EVC2: variants seen among roughly 807,000 people sequenced by gnomAD.
EVC2 encodes the protein EvC ciliary complex subunit 2.
A neutral mutation model predicts 149.3 loss-of-function variants in EVC2; 148 were observed. That is an observed-to-expected ratio of 0.99 (90% CI 0.87 to 1.14). The LOEUF is 1.14. Ranked by LOEUF, EVC2 falls within the 50% of genes most tolerant of loss-of-function variation. The pLI, the probability that EVC2 is intolerant of heterozygous loss-of-function variation, is 0.00. For synonymous variants in EVC2, 776 were observed against 649.9 expected (o/e 1.19, Z -2.95); for missense variants, 1,854 against 1,627.3 (o/e 1.14, Z -2.40).
At position 5,631,804 on chromosome 4, in the gene EVC2, A is replaced by T; in HGVS notation, c.1699T>A (p.Ser567Thr). 1 of 1,614,042 alleles carries T rather than the reference A, an allele frequency of 6.2e-7. No homozygotes were observed. Residue 567 changes from serine to threonine, a missense_variant, in exon 11 of 22, where the codon TCT becomes ACT. Physicochemically the swap from Ser to Thr is moderately conservative, Grantham distance 58. Coordinates refer to ENST00000344408, the MANE Select transcript of EVC2 (RefSeq NM_147127.5). ...EAAKMLLQNY[S>T]KIQENVEELM... ...GGCTGATGTATTACCTGTATTTTAG[A>T]ATAATTTTGCAGCAGCATTTTAGCT...
In EVC2 at chr4:5,708,302, G is replaced by GGCCCCGCCCC. The variant is rs1553855074; in HGVS notation, c.202_211dup (p.Pro71ArgfsTer25). 1 of 1,470,074 alleles carries GGCCCCGCCCC rather than the reference G, an allele frequency of 6.8e-7. No homozygotes were observed. The highest frequency in any genetic ancestry group is 1.5e-5 in the African/African-American group (1 of 68,254). The allele number at this position is 1,470,074 out of a possible 1,614,324, so 91.1% of individuals were successfully genotyped here. A position where few individuals can be genotyped will look rare whatever the true frequency, so the allele number is the denominator to read the frequency against. On this transcript the variant is annotated frameshift_variant, in exon 1 of 22. Coordinates refer to ENST00000344408, the MANE Select transcript of EVC2 (RefSeq NM_147127.5). LOFTEE classifies it high-confidence loss of function. ...CCTCCTTACCTGCGTGCTGCTCTCG[G>GGCCCCGCCCC]GCCCCGCCCCGCTCCGCCCCGGAGG...
At chr4:5,532,249 C>T in the EVC2 span, among the ~76,000 whole-genome samples, 1 of 152,070 alleles carries the variant, frequency 6.6e-6, no homozygotes, top group Non-Finnish European at 1.5e-5. Context: ...GACAAAATCC[C>T]ACTTGCTTAG....
intron 9 of EVC2, among the ~76,000 whole-genome samples, chr4:5,644,492 AC>A (rs1196561975): frequency 6.6e-6 from 1 of 151,980 alleles, no homozygotes; most frequent in Admixed American, 6.6e-5. Flanking sequence ...TTTAGTAGAG[AC>A]GGGGTTTCAC....
intron 17 of EVC2, among the ~76,000 whole-genome samples, chr4:5,584,111 A>G (rs754096675): frequency 2.0e-5 from 3 of 152,170 alleles, no homozygotes; most frequent in Non-Finnish European, 4.4e-5. Flanking sequence ...TAATTATGAT[A>G]ATAATAGATA....
intron 1 of EVC2, among the ~76,000 whole-genome samples, chr4:5,707,315 C>G (rs1041087809): frequency 6.6e-6 from 1 of 152,110 alleles, no homozygotes; most frequent in Non-Finnish European, 1.5e-5. Context: ...TTTTAAGAGA[C>G]TAAACCTCTG....
intron 6 of EVC2, 45 bp downstream of exon 6, chr4:5,685,325 C>T: frequency 6.4e-7 from 1 of 1,568,212 alleles, no homozygotes; most frequent in Non-Finnish European, 8.8e-7. Context: ...AAAACAACCT[C>T]TCTTGGCAGT....
At chr4:5,594,168 G>A (rs1713139522) in intron 16 of EVC2, among the ~76,000 whole-genome samples, 1 of 152,186 alleles carries the variant, frequency 6.6e-6, no homozygotes, top group Non-Finnish European at 1.5e-5. Context: ...AAAGACAGCA[G>A]TAACCTCTGC....
intron 19 of EVC2, among the ~76,000 whole-genome samples, chr4:5,571,916 T>A (rs1251057798): frequency 6.6e-6 from 1 of 152,154 alleles, no homozygotes; most frequent in African/African-American, 2.4e-5. Flanking sequence ...GGCTGACCAG[T>A]CCTGAGCAGA....
At chr4:5,671,353 T>G (rs1719637722) in intron 7 of EVC2, among the ~76,000 whole-genome samples, 1 of 152,124 alleles carries the variant, frequency 6.6e-6, no homozygotes, top group Non-Finnish European at 1.5e-5. Context: ...ATTCCCACTC[T>G]GAGTATGCAG....
At chr4:5,571,178 C>T (rs1323247241) in intron 19 of EVC2, among the ~76,000 whole-genome samples, 1 of 151,694 alleles carries the variant, frequency 6.6e-6, no homozygotes, top group Non-Finnish European at 1.5e-5. Context: ...ATTAGCCGGG[C>T]GTGGTGGCGT....
the EVC2 span, among the ~76,000 whole-genome samples, chr4:5,535,501 A>T: frequency 6.6e-6 from 1 of 151,954 alleles, no homozygotes; most frequent in Non-Finnish European, 1.5e-5. The surrounding 1 kb of genome is among the most constrained non-coding windows in gnomAD (Gnocchi z 4.7). Flanking sequence ...ATTATTACAG[A>T]CTGGGTGGCT....
At chr4:5,577,147 T>C (rs761907746) in intron 17 of EVC2, among the ~76,000 whole-genome samples, 6 of 152,222 alleles carry the variant, frequency 3.9e-5, no homozygotes, top group Non-Finnish European at 7.3e-5. Flanking sequence ...GCTTTATAGG[T>C]AAAGGAACTG....
chr4:5,540,747 T>C (rs1721496882), downstream of EVC2, among the ~76,000 whole-genome samples: 1 of 152,272 alleles, frequency 6.6e-6, no homozygotes, highest in Admixed American at 6.5e-5. Context: ...GTGGTGATGG[T>C]TTCACAGTCA....
rs946565365 is a variant in EVC2 at position 5,625,108 on chromosome 4, G to A, written c.2046+641C>T. Among the ~76,000 whole-genome samples the A allele has an allele frequency of 2.6e-5, 4 of 151,984 alleles. No homozygotes were observed. Among genetic ancestry groups the A allele is most frequent in the African/African-American group, 7.2e-5 (3 of 41,430 alleles). On this transcript the variant is annotated intron_variant, in intron 13 of 21. Transcript: ENST00000344408. This position sits in a 1 kb window ranked among gnomAD's most constrained non-coding sequence, Gnocchi z 4.0. ...CAGATCTGATGTCTCTCTCACCTCCGGAAGACCCTTCAACATTCCCCACTA... is the reference window on the plus strand; with the variant it reads ...CAGATCTGATGTCTCTCTCACCTCCAGAAGACCCTTCAACATTCCCCACTA...
chr4:5,593,988 T>C (rs1467652435), intron 16 of EVC2, among the ~76,000 whole-genome samples: 1 of 152,178 alleles, frequency 6.6e-6, no homozygotes, highest in Non-Finnish European at 1.5e-5. Flanking sequence ...AGTCTGACAT[T>C]GAACTGCAAG....
rs1000065743 is a variant in EVC2 at position 5,696,067 on chromosome 4, A to G, written c.283+1526T>C. On this transcript the variant is annotated intron_variant, in intron 2 of 21. Transcript: ENST00000344408. The surrounding 1 kb of genome is among the most constrained non-coding windows in gnomAD (Gnocchi z 4.1). ...AAACAAGTGGGTGCTCCACCAGGTG[A>G]GCGGCTGATTCAGAGCATCGGGAAT... 1.3e-5 allele frequency among the ~76,000 whole-genome samples: 2 copies of G among 152,146 alleles called. No homozygotes were observed. The highest frequency in any genetic ancestry group is 2.9e-5 in the Non-Finnish European group (2 of 68,034).
At chr4:5,596,624 T>A (rs558751219) in intron 16 of EVC2, among the ~76,000 whole-genome samples, 3 of 151,574 alleles carry the variant, frequency 2.0e-5, no homozygotes, top group Admixed American at 6.6e-5. Flanking sequence ...GCAGGAAAGA[T>A]CCAAAATTGA....
rs913959332 is a variant in EVC2 at position 5,597,032 on chromosome 4, G to T, written c.2830-12182C>A. 5.9e-5 allele frequency among the ~76,000 whole-genome samples: 9 copies of T among 152,184 alleles called. No individual in the cohort carries two copies. In the East Asian group the frequency reaches 1.7e-3, roughly 29 times the overall value. On this transcript the variant is annotated intron_variant, in intron 16 of 21. Coordinates refer to ENST00000344408, the MANE Select transcript of EVC2 (RefSeq NM_147127.5). Reference sequence around the variant, plus strand: ...TAAACCAGGAAGAAGCTGAAATCTCGGAATAGACTAATAACAGGCTCTGAA... The same window carrying T: ...TAAACCAGGAAGAAGCTGAAATCTCTGAATAGACTAATAACAGGCTCTGAA...
At chr4:5,621,179 T>C (rs1024886677) in intron 14 of EVC2, among the ~76,000 whole-genome samples, 1 of 152,076 alleles carries the variant, frequency 6.6e-6, no homozygotes, top group Non-Finnish European at 1.5e-5. Context: ...GGATGAAAAC[T>C]GTGTAGGAAA....
Sources: allele counts gnomAD v4.1 joint callset (sites outside exome capture counted in the v4.1 genomes callset), GRCh38; gene constraint gnomAD v4.1.1; non-coding constraint Gnocchi (gnomAD v3.1); transcripts MANE v1.5; gene names NCBI Gene and HGNC (gene_info 2026-07-23, HGNC 2026-07-21).